Variants in RBFOX1 observed in about 807,000 individuals in gnomAD.
RBFOX1 encodes the protein RNA binding fox-1 homolog 1, also known as RNA binding protein fox-1 homolog 1.
A neutral mutation model predicts 57.7 loss-of-function variants in RBFOX1; 8 were observed. That is an observed-to-expected ratio of 0.14 (90% CI 0.08 to 0.25). The LOEUF (loss-of-function observed/expected upper bound fraction) is 0.25. Among genes scored for constraint, RBFOX1 ranks in the 10% least tolerant of loss-of-function variants. The pLI is 1.00. For synonymous variants in RBFOX1, 326 were observed against 222.4 expected (o/e 1.47, Z -4.15); for missense variants, 611 against 548.5 (o/e 1.11, Z -1.14).
At chr16:6,178,177 CTTTTTTTTTTTTT>C (rs34382826) in intron 1 of RBFOX1, among the ~76,000 whole-genome samples, 1,507 of 69,744 alleles carry the variant, frequency 0.022, 54 homozygotes, top group African/African-American at 0.079. Context: ...AAAGGTCACT[CTTTTTTTTTTTTT>C]TTTTTTTTTT....
At chr16:7,416,728 G>GT (rs61388698) in intron 4 of RBFOX1, among the ~76,000 whole-genome samples, 2,524 of 148,590 alleles carry the variant, frequency 0.017, 28 homozygotes, top group Middle Eastern at 0.032. Flanking sequence ...CTTTAGGGAT[G>GT]TTTTTTTTTC....
At chr16:7,244,646 G>C (rs1168089826) in intron 4 of RBFOX1, among the ~76,000 whole-genome samples, 1 of 152,194 alleles carries the variant, frequency 6.6e-6, no homozygotes, top group Admixed American at 6.5e-5. Flanking sequence ...CAATGTTGCT[G>C]CTTAAGCCTG....
At chr16:6,478,796 G>T (rs1390526283) in intron 2 of RBFOX1, among the ~76,000 whole-genome samples, 1 of 152,080 alleles carries the variant, frequency 6.6e-6, no homozygotes, top group Non-Finnish European at 1.5e-5. Flanking sequence ...TATCAATTAA[G>T]TGTGCCATCT....
chr16:6,255,925 C>G (rs2097658454), intron 1 of RBFOX1, among the ~76,000 whole-genome samples: 2 of 151,306 alleles, frequency 1.3e-5, no homozygotes, highest in Non-Finnish European at 2.9e-5. Context: ...AGCGTTAGGA[C>G]AAATACCTAA....
At chr16:6,448,739 A>G (rs2094535904) in intron 2 of RBFOX1, among the ~76,000 whole-genome samples, 2 of 152,168 alleles carry the variant, frequency 1.3e-5, no homozygotes, top group African/African-American at 4.8e-5. Context: ...ATGAAAGTAT[A>G]TGTGCTTCAG....
chr16:6,176,432 T>C (rs529794513), intron 1 of RBFOX1, among the ~76,000 whole-genome samples: 1 of 151,780 alleles, frequency 6.6e-6, no homozygotes, highest in South Asian at 2.1e-4. Context: ...GTGCTGGGAT[T>C]ACAGGCATGA....
chr16:7,230,885 T>C (rs1264380865), intron 4 of RBFOX1, among the ~76,000 whole-genome samples: 2 of 152,200 alleles, frequency 1.3e-5, no homozygotes, highest in African/African-American at 4.8e-5. Context: ...TTCCTCATTT[T>C]GTAGAAATCA....
intron 3 of RBFOX1, among the ~76,000 whole-genome samples, chr16:6,765,649 A>T (rs1485961347): frequency 6.6e-6 from 1 of 152,154 alleles, no homozygotes; most frequent in African/African-American, 2.4e-5. Context: ...TCTACCCAAT[A>T]CTGGGTCTCT....
At chr16:5,520,661 C>T (rs1203508982) in intron 2 of RBFOX1, among the ~76,000 whole-genome samples, 2 of 152,198 alleles carry the variant, frequency 1.3e-5, no homozygotes, top group Non-Finnish European at 2.9e-5. Context: ...GCTCTCTCTT[C>T]TGAAAAGAGA....
chr16:7,534,670 T>C (rs960761298), intron 5 of RBFOX1, among the ~76,000 whole-genome samples: 1 of 152,116 alleles, frequency 6.6e-6, no homozygotes, highest in African/African-American at 2.4e-5. Flanking sequence ...GAGAACTAAG[T>C]CTAATGTATT....
At chr16:5,483,104 C>T (rs1183566055) in intron 2 of RBFOX1, among the ~76,000 whole-genome samples, 2 of 152,080 alleles carry the variant, frequency 1.3e-5, no homozygotes, top group African/African-American at 4.8e-5. Context: ...GTAGGGGAGT[C>T]CTAAAAACAT....
intron 2 of RBFOX1, among the ~76,000 whole-genome samples, chr16:6,404,340 G>C (rs2093194847): frequency 6.6e-6 from 1 of 152,138 alleles, no homozygotes; most frequent in South Asian, 2.1e-4. Context: ...TTGAGCATCT[G>C]TGGATTTTGG....
intron 5 of RBFOX1, among the ~76,000 whole-genome samples, chr16:7,533,700 G>A (rs897061616): frequency 6.6e-6 from 1 of 152,196 alleles, no homozygotes; most frequent in African/African-American, 2.4e-5. Flanking sequence ...CAGAATGGTT[G>A]TATGGGCACT....
At chr16:7,645,760 C>T (rs1477001809) in intron 11 of RBFOX1, among the ~76,000 whole-genome samples, 3 of 152,134 alleles carry the variant, frequency 2.0e-5, no homozygotes, top group Non-Finnish European at 4.4e-5. Context: ...TAGATTTATT[C>T]ACTTCTAAAC....
intron 3 of RBFOX1, among the ~76,000 whole-genome samples, chr16:6,972,574 T>G (rs1253053696): frequency 6.6e-6 from 1 of 152,130 alleles, no homozygotes; most frequent in East Asian, 1.9e-4. Context: ...GCAGCAGATT[T>G]TTATACTGAT....
At chr16:7,001,300 GGT>G (rs1488182666) in intron 3 of RBFOX1, among the ~76,000 whole-genome samples, 1 of 152,122 alleles carries the variant, frequency 6.6e-6, no homozygotes, top group East Asian at 1.9e-4. Flanking sequence ...GAGGTGACAA[GGT>G]GTTCCTGGTC....
chr16:7,225,919 T>TATATATATATATATATATATATATATATA (rs1315130232), intron 4 of RBFOX1, among the ~76,000 whole-genome samples: 2 of 142,142 alleles, frequency 1.4e-5, no homozygotes, highest in Non-Finnish European at 3.0e-5. Context: ...TATATATATA[T>TATATATATATATATATATATATATATATA]AAATGTGAAT....
chr16:7,298,056 T>G (rs532686972), intron 4 of RBFOX1, among the ~76,000 whole-genome samples: 1 of 152,188 alleles, frequency 6.6e-6, no homozygotes, highest in Admixed American at 6.5e-5. Context: ...AATTTTGTTA[T>G]CTATATCCTG....
chr16:5,790,233 A>G (rs2054643666), intron 3 of RBFOX1, among the ~76,000 whole-genome samples: 2 of 152,224 alleles, frequency 1.3e-5, no homozygotes, highest in African/African-American at 2.4e-5. Flanking sequence ...GGTCAGTTCC[A>G]TGGCCATGCC....
Sources: allele counts gnomAD v4.1 joint callset (sites outside exome capture counted in the v4.1 genomes callset), GRCh38; gene constraint gnomAD v4.1.1; transcripts MANE v1.5; gene names NCBI Gene and HGNC (gene_info 2026-07-23, HGNC 2026-07-21).